Variants in FBLIM1 observed in about 807,000 individuals in gnomAD.
FBLIM1 encodes filamin binding LIM protein 1.
FBLIM1 carries 29 observed loss-of-function variants against 37.4 expected under a neutral mutation model. The ratio of observed to expected loss-of-function variants is 0.77; its 90% CI spans 0.58 to 1.06. The LOEUF (loss-of-function observed/expected upper bound fraction) is 1.06. Ranked by LOEUF, FBLIM1 falls within the 50% of genes least tolerant of loss-of-function variation. The pLI, the probability that FBLIM1 is intolerant of heterozygous loss-of-function variation, is 0.00. For synonymous variants in FBLIM1, 193 were observed against 199.0 expected (o/e 0.97, Z 0.25); for missense variants, 449 against 505.6 (o/e 0.89, Z 1.07).
intron 4 of FBLIM1, 145 bp downstream of exon 4, chr1:15,767,708 C>T (rs2068996312): frequency 2.1e-6 from 1 of 483,722 alleles, no homozygotes; most frequent in Non-Finnish European, 3.6e-6. Flanking sequence ...CTCTTTGAAG[C>T]TCTCAGAAGT....
At chr1:15,769,233 T>TTG (rs1473652570) in intron 5 of FBLIM1, among the ~76,000 whole-genome samples, 1 of 152,140 alleles carries the variant, frequency 6.6e-6, no homozygotes, top group Non-Finnish European at 1.5e-5. Flanking sequence ...TCCCAGCATT[T>TTG]TGGGAGGCTG....
intron 8 of FBLIM1, among the ~76,000 whole-genome samples, chr1:15,783,569 CTTTTTTT>C (rs58141962): frequency 7.4e-5 from 6 of 81,258 alleles, no homozygotes; most frequent in Admixed American, 1.6e-4. Flanking sequence ...AACTTACGTT[CTTTTTTT>C]TTTTTTTTTT....
chr1:15,762,098 T>A (rs944491438), intron 1 of FBLIM1, among the ~76,000 whole-genome samples: 2 of 151,632 alleles, frequency 1.3e-5, no homozygotes, highest in African/African-American at 4.8e-5. Flanking sequence ...TTTTCTTTTT[T>A]TTTTTTTCGA....
At chr1:15,774,898 C>T in intron 7 of FBLIM1, 102 bp downstream of exon 7, 1 of 1,605,278 alleles carries the variant, frequency 6.2e-7, no homozygotes, top group Non-Finnish European at 8.5e-7. Flanking sequence ...GCCAGAGTTT[C>T]CTGTCTACTG....
At chr1:15,770,003 A>G (rs1569801312) in intron 5 of FBLIM1, among the ~76,000 whole-genome samples, 1 of 150,996 alleles carries the variant, frequency 6.6e-6, no homozygotes, top group Admixed American at 6.6e-5. Context: ...CTGGAGTGCA[A>G]TGGCACAGTC....
chr1:15,777,647 C>T (rs2069532641), intron 8 of FBLIM1, among the ~76,000 whole-genome samples: 1 of 148,870 alleles, frequency 6.7e-6, no homozygotes, highest in Admixed American at 6.9e-5. Flanking sequence ...GATCTCAGCT[C>T]ACTGCAACCT....
At chr1:15,758,070 A>T (rs1156526479), upstream of FBLIM1, 1 of 152,290 alleles carries the variant, frequency 6.6e-6, no homozygotes, top group African/African-American at 2.4e-5. The surrounding 1 kb of genome is among the most constrained non-coding windows in gnomAD (Gnocchi z 6.2). Flanking sequence ...GGGGTCTCCG[A>T]GACCCCCACC....
chr1:15,764,876 T>C (rs2148497231), intron 2 of FBLIM1, 88 bp from the exon 3 acceptor site: 1 of 1,464,352 alleles, frequency 6.8e-7, no homozygotes, highest in Non-Finnish European at 9.1e-7. Context: ...GGCCTGTCTT[T>C]TTGGGAGGAG....
intron 8 of FBLIM1, among the ~76,000 whole-genome samples, chr1:15,780,517 G>A (rs1338380755): frequency 6.6e-6 from 1 of 152,156 alleles, no homozygotes; most frequent in East Asian, 1.9e-4. Flanking sequence ...TTTTGAACAA[G>A]GGGCCCCACA....
At chr1:15,772,208 T>TA (rs1258477437) in intron 6 of FBLIM1, among the ~76,000 whole-genome samples, 1 of 152,156 alleles carries the variant, frequency 6.6e-6, no homozygotes, top group Non-Finnish European at 1.5e-5. Context: ...TTTGAAGGGT[T>TA]AGAGTATTTG....
chr1:15,777,311 A>G (rs1183228062), intron 8 of FBLIM1, 24 bp downstream of exon 8: 1 of 1,554,168 alleles, frequency 6.4e-7, no homozygotes, highest in South Asian at 1.1e-5. Flanking sequence ...AGGTGGTTTA[A>G]TAACATTCCA....
At position 15,764,903 on chromosome 1, in the gene FBLIM1, C is replaced by T. The variant is rs535555598; in HGVS notation, c.-20-61C>T. 1.1e-4 allele frequency: 163 copies of T among 1,520,768 alleles called. No homozygotes were observed. The African/African-American group carries it at 1.7e-3, about 16-fold the overall frequency. The allele number at this position is 1,520,768 out of a possible 1,614,324, so 94.2% of individuals were successfully genotyped here. On this transcript the variant is annotated intron_variant, in intron 2 of 8. Coordinates refer to ENST00000375766, the MANE Select transcript of FBLIM1 (RefSeq NM_017556.4). ...TGGGAGGAGGGAGGCTCTCTCCTCTCGGGGGAGGGTGGCTGTGTGTCTGGG... is the reference window on the plus strand; with the variant it reads ...TGGGAGGAGGGAGGCTCTCTCCTCTTGGGGGAGGGTGGCTGTGTGTCTGGG...
chr1:15,777,572 AT>A (rs35178526), intron 8 of FBLIM1, among the ~76,000 whole-genome samples: 170 of 121,580 alleles, frequency 1.4e-3, no homozygotes, highest in Middle Eastern at 4.3e-3. Context: ...GACTCTCTCC[AT>A]TTTTTTTTTT....
At position 15,767,482 on chromosome 1, in the gene FBLIM1, G is replaced by A. The variant is rs745669934; in HGVS notation, c.357G>A (p.Glu119=). 7.8e-6 allele frequency: 12 copies of A among 1,532,066 alleles called. No homozygotes were observed. In the African/African-American group the frequency reaches 1.5e-4, roughly 19 times the overall value. 94.9% of individuals were successfully genotyped at this position (1,532,066 alleles called of 1,614,324 possible). ...CTCCAGTGCTTCTGCCTTCTGAAGAGGAGGCTCCTGCTCCAATGGGGGCCT... is the reference window on the plus strand; with the variant it reads ...CTCCAGTGCTTCTGCCTTCTGAAGAAGAGGCTCCTGCTCCAATGGGGGCCT... ...PPPPVLLPSE[E]EAPAPMGASL... is the part of the protein sequence containing the mutation. The change falls in exon 4 of 9, where the codon GAG becomes GAA. Residue 119 remains glutamate, a synonymous_variant. Transcript: ENST00000375766.
intron 1 of FBLIM1, among the ~76,000 whole-genome samples, chr1:15,759,994 CG>C (rs1191783188): frequency 4.7e-5 from 7 of 150,504 alleles, no homozygotes; most frequent in Non-Finnish European, 4.4e-5. Flanking sequence ...GAGGCCGAGG[CG>C]GGCGGATTAC....
upstream of FBLIM1, among the ~76,000 whole-genome samples, chr1:15,757,331 C>T (rs1217953193): frequency 6.6e-6 from 1 of 152,194 alleles, no homozygotes; most frequent in Non-Finnish European, 1.5e-5. The surrounding 1 kb of genome is among the most constrained non-coding windows in gnomAD (Gnocchi z 4.1). Context: ...CCTAGTGTGG[C>T]CTTGAGCCTC....
At chr1:15,784,475 C>A in intron 8 of FBLIM1, 73 bp from the exon 9 acceptor site, 1 of 1,253,490 alleles carries the variant, frequency 8.0e-7, no homozygotes, top group Non-Finnish European at 1.1e-6. Flanking sequence ...TCGGCAGATG[C>A]CAAGTGAGTC....
intron 8 of FBLIM1, among the ~76,000 whole-genome samples, chr1:15,780,182 C>T (rs369538410): frequency 7.9e-5 from 12 of 151,778 alleles, no homozygotes; most frequent in Admixed American, 3.3e-4. Flanking sequence ...TGAGCCACTG[C>T]GCACGGCCTG....
At chr1:15,784,467 G>A (rs550287726) in intron 8 of FBLIM1, 81 bp from the exon 9 acceptor site, 10 of 1,151,770 alleles carry the variant, frequency 8.7e-6, no homozygotes, top group East Asian at 4.8e-5. Flanking sequence ...TGGTTTATTC[G>A]GCAGATGCCA....
Sources: allele counts gnomAD v4.1 joint callset (sites outside exome capture counted in the v4.1 genomes callset), GRCh38; gene constraint gnomAD v4.1.1; non-coding constraint Gnocchi (gnomAD v3.1); transcripts MANE v1.5; gene names NCBI Gene and HGNC (gene_info 2026-07-23, HGNC 2026-07-21).